OPCML: variants seen among roughly 807,000 people sequenced by gnomAD.
OPCML encodes the protein opioid binding protein/cell adhesion molecule like.
In OPCML, 13 loss-of-function variants were observed where a neutral mutation model predicts 37.8. The observed-to-expected ratio is 0.34, with a 90% CI of 0.22 to 0.55. OPCML has a LOEUF of 0.55. Ranked by LOEUF, OPCML falls within the 20% of genes least tolerant of loss-of-function variation. OPCML has a pLI of 0.91. For synonymous variants in OPCML, 176 were observed against 168.8 expected, an observed-to-expected ratio of 1.04 and a Z score of -0.33; for missense variants, 341 against 435.6, an observed-to-expected ratio of 0.78 and a Z score of 1.93.
intron 1 of OPCML, among the ~76,000 whole-genome samples, chr11:133,181,948 C>A (rs1458774228): frequency 6.6e-6 from 1 of 152,194 alleles, no homozygotes; most frequent in African/African-American, 2.4e-5. Flanking sequence ...CTCTTCCAAT[C>A]TGCCTTCAAC....
intron 1 of OPCML, among the ~76,000 whole-genome samples, chr11:133,078,582 C>G (rs974951936): frequency 6.6e-6 from 1 of 152,102 alleles, no homozygotes; most frequent in Admixed American, 6.5e-5. Flanking sequence ...TGGCTTCTAC[C>G]CCTGCTCAAT....
intron 1 of OPCML, among the ~76,000 whole-genome samples, chr11:133,388,673 C>T (rs1326670416): frequency 1.3e-5 from 2 of 152,162 alleles, no homozygotes; most frequent in Admixed American, 6.5e-5. Context: ...AAATGCTCTG[C>T]TCTGCATGGG....
chr11:132,443,034 A>G (rs1011585882), intron 4 of OPCML, among the ~76,000 whole-genome samples: 1 of 152,220 alleles, frequency 6.6e-6, no homozygotes, highest in African/African-American at 2.4e-5. Flanking sequence ...ATTTGGAATG[A>G]TTAAAAGTCA....
chr11:132,795,143 C>T (rs1161505975), intron 2 of OPCML, among the ~76,000 whole-genome samples: 2 of 151,922 alleles, frequency 1.3e-5, no homozygotes, highest in African/African-American at 2.4e-5. Context: ...TTCAAAGATC[C>T]GAGGTTAACA....
intron 1 of OPCML, among the ~76,000 whole-genome samples, chr11:133,132,722 A>G (rs1949624609): frequency 6.6e-6 from 1 of 152,134 alleles, no homozygotes; most frequent in Non-Finnish European, 1.5e-5. Flanking sequence ...ATCTCAAAAT[A>G]CTTACGTTGA....
chr11:133,236,441 C>T (rs1279248139), intron 1 of OPCML, among the ~76,000 whole-genome samples: 1 of 152,058 alleles, frequency 6.6e-6, no homozygotes. Flanking sequence ...TCACAGAAGC[C>T]ATGGAGAAGG....
chr11:132,867,434 T>C (rs891035971), intron 2 of OPCML, among the ~76,000 whole-genome samples: 1 of 152,226 alleles, frequency 6.6e-6, no homozygotes, highest in Non-Finnish European at 1.5e-5. Flanking sequence ...GAAGTTACTT[T>C]CATTGAGGAT....
At chr11:133,027,664 T>G (rs976582368) in intron 1 of OPCML, among the ~76,000 whole-genome samples, 4 of 145,292 alleles carry the variant, frequency 2.8e-5, no homozygotes, top group Non-Finnish European at 6.1e-5. Flanking sequence ...GTGTGGGGCG[T>G]GTGGTGTGCA....
intron 1 of OPCML, chr11:133,298,243 TA>T (rs1481769423): frequency 2.0e-5 from 3 of 151,750 alleles, no homozygotes; most frequent in Non-Finnish European, 2.9e-5. Flanking sequence ...AGACACAGTA[TA>T]AAGATAGCCA....
chr11:133,288,815 A>G (rs1038755624), intron 1 of OPCML, among the ~76,000 whole-genome samples: 1 of 152,200 alleles, frequency 6.6e-6, no homozygotes, highest in Non-Finnish European at 1.5e-5. Flanking sequence ...GTTAGTTCAC[A>G]GGAGGCCAAC....
At chr11:132,743,611 C>A (rs1407153927) in intron 2 of OPCML, among the ~76,000 whole-genome samples, 1 of 152,202 alleles carries the variant, frequency 6.6e-6, no homozygotes, top group Non-Finnish European at 1.5e-5. Context: ...AATATAACTA[C>A]TTCTCTTCCT....
At position 133,159,768 on chromosome 11, in the gene OPCML, G is replaced by T. The variant is rs544750841; in HGVS notation, c.62-216758C>A. On this transcript the variant is annotated intron_variant, in intron 1 of 7. Coordinates refer to ENST00000524381, the MANE Select transcript of OPCML (RefSeq NM_001012393.5). ...TCTCCCTGTCTCCCAAAGCCCAGCT[G>T]CAAAATAAGCACAAGAACGTGTGCC... Among the ~76,000 whole-genome samples the T allele has an allele frequency of 6.6e-5, 10 of 152,318 alleles. No homozygotes were observed. In the South Asian group the frequency reaches 1.9e-3, roughly 28 times the overall value.
chr11:132,657,213 C>T lies in OPCML; in HGVS notation c.253G>A (p.Val85Ile). 1.2e-6 allele frequency: 2 copies of T among 1,614,224 alleles called. No individual in the cohort carries two copies. The highest frequency in any genetic ancestry group is 1.7e-6 in the Non-Finnish European group (2 of 1,180,042). ...WSIDPRVIIL[V>I]NTPTQYSIMI... ...ATGCTGTACTGGGTTGGTGTATTGA[C>T]CAGGATGATCACACGAGGGTCTATG... Residue 85 changes from valine to isoleucine, a missense_variant, in exon 3 of 8, where the codon GTC becomes ATC. Physicochemically the swap from Val to Ile is conservative, Grantham distance 29 (BLOSUM62 3). Transcript: ENST00000524381.
At chr11:132,801,988 A>G (rs1377594346) in intron 2 of OPCML, among the ~76,000 whole-genome samples, 1 of 152,072 alleles carries the variant, frequency 6.6e-6, no homozygotes, top group Non-Finnish European at 1.5e-5. Flanking sequence ...CAGAATTGTC[A>G]TCTCCCCCCA....
chr11:132,867,227 G>A (rs1007838199), intron 2 of OPCML, among the ~76,000 whole-genome samples: 6 of 152,162 alleles, frequency 3.9e-5, no homozygotes, highest in African/African-American at 1.4e-4. Context: ...CTGACGTCTT[G>A]ATGGGAATGG....
chr11:133,342,977 G>A (rs1212720155), intron 1 of OPCML, among the ~76,000 whole-genome samples: 4 of 152,104 alleles, frequency 2.6e-5, no homozygotes, highest in Admixed American at 1.3e-4. Context: ...ATCATAGCTC[G>A]CTGCAACCTT....
chr11:132,559,512 C>T (rs1055661964), intron 3 of OPCML, among the ~76,000 whole-genome samples: 2 of 152,100 alleles, frequency 1.3e-5, no homozygotes, highest in South Asian at 2.1e-4. Flanking sequence ...ACCAGCTTGC[C>T]GCTGGGGGGC....
intron 1 of OPCML, chr11:133,439,331 A>C (rs1282327189): frequency 1.0e-6 from 1 of 985,098 alleles, no homozygotes; most frequent in Non-Finnish European, 1.2e-6. Context: ...AAGCAAAGAA[A>C]AATAAAAACA....
At chr11:132,899,772 C>T (rs977669216) in intron 2 of OPCML, among the ~76,000 whole-genome samples, 7 of 151,980 alleles carry the variant, frequency 4.6e-5, no homozygotes, top group African/African-American at 1.7e-4. Context: ...ATGTGGGCAC[C>T]ATCCCATAGG....
Sources: allele counts gnomAD v4.1 joint callset (sites outside exome capture counted in the v4.1 genomes callset), GRCh38; gene constraint gnomAD v4.1.1; transcripts MANE v1.5; gene names NCBI Gene and HGNC (gene_info 2026-07-23, HGNC 2026-07-21).